ZNF804B: variants seen among roughly 807,000 people sequenced by gnomAD.
ZNF804B encodes zinc finger protein 804B.
In ZNF804B, 80 loss-of-function variants were observed where a neutral mutation model predicts 101.4. That is an observed-to-expected ratio of 0.79 (90% CI 0.66 to 0.95). The LOEUF (loss-of-function observed/expected upper bound fraction) is 0.95, where lower values mean the gene tolerates loss of function less well. ZNF804B is among the 40% of genes least tolerant of loss of function. The pLI is 0.00. For missense variants in ZNF804B, 1,673 were observed against 1,561.9 expected, an observed-to-expected ratio of 1.07 and a Z score of -1.20; for synonymous variants, 622 against 558.8, an observed-to-expected ratio of 1.11 and a Z score of -1.59.
intron 1 of ZNF804B, among the ~76,000 whole-genome samples, chr7:89,072,020 G>A (rs1427837827): frequency 6.6e-6 from 1 of 152,126 alleles, no homozygotes; most frequent in Non-Finnish European, 1.5e-5. Flanking sequence ...GCTAACCTAA[G>A]CTAGTCTGAT....
chr7:89,115,815 G>T (rs910338669), intron 1 of ZNF804B, among the ~76,000 whole-genome samples: 1 of 152,074 alleles, frequency 6.6e-6, no homozygotes, highest in African/African-American at 2.4e-5. Flanking sequence ...TTTCTGAAGG[G>T]AGAATCAAGA....
rs569854921 is a variant in ZNF804B, at chr7:89,317,597, C to T, written c.250-9747C>T. Among the ~76,000 whole-genome samples, 4 of 152,298 alleles carry T rather than the reference C, an allele frequency of 2.6e-5. No homozygotes were observed. The East Asian group carries it at 5.8e-4, about 22-fold the overall frequency. ...AAAGACAGATGGAGTGATAAAGAAA[C>T]GGATGCATTTTGCAAAGAGCAGCTG... On this transcript the variant is annotated intron_variant, in intron 2 of 3. Transcript: ENST00000333190.
rs977974920 is a variant in ZNF804B, at chr7:88,911,981, A to G, written c.108+151897A>G. ...CCTGTGTATTTCCAAGTAATATCTC[A>G]TCCTATAAATATACAGTAATTTGCT... On this transcript the variant is annotated intron_variant, in intron 1 of 3. Coordinates refer to ENST00000333190, the MANE Select transcript of ZNF804B (RefSeq NM_181646.5). 9.9e-5 allele frequency among the ~76,000 whole-genome samples: 15 copies of G among 151,948 alleles called. No homozygotes were observed. The South Asian group carries it at 1.0e-3, about 11-fold the overall frequency.
intron 1 of ZNF804B, among the ~76,000 whole-genome samples, chr7:88,945,025 C>T (rs1584031153): frequency 6.6e-6 from 1 of 151,818 alleles, no homozygotes; most frequent in Non-Finnish European, 1.5e-5. Context: ...AAAATTTTCT[C>T]CCATTCTGTA....
intron 1 of ZNF804B, among the ~76,000 whole-genome samples, chr7:88,962,321 C>G (rs189778281): frequency 1.3e-5 from 2 of 151,336 alleles, no homozygotes; most frequent in Admixed American, 1.3e-4. Flanking sequence ...GTTTATGTAG[C>G]AAGCATCCAG....
chr7:89,154,827 G>GT (rs1790932663), intron 1 of ZNF804B, among the ~76,000 whole-genome samples: 1 of 151,898 alleles, frequency 6.6e-6, no homozygotes, highest in Middle Eastern at 3.2e-3. Flanking sequence ...AGTAAATATA[G>GT]TCAATAATCA....
Position 89,103,048 on chromosome 7 carries a change from G to GTTTTTT in ZNF804B, c.109-115077_109-115072dup, listed in dbSNP as rs56693128. ...TTCTATTCCATTGACCTATGTGTCT[G>GTTTTTT]TTTTTTTTTTTTTTTTTTTTTTTTT... On this transcript the variant is annotated intron_variant, in intron 1 of 3. Coordinates refer to ENST00000333190, the MANE Select transcript of ZNF804B (RefSeq NM_181646.5). 2.6e-3 allele frequency among the ~76,000 whole-genome samples: 89 copies of GTTTTTT among 33,742 alleles called. 10 individuals are homozygous for GTTTTTT. The highest frequency in any genetic ancestry group is 7.6e-3 in the East Asian group (5 of 660). 22.1% of individuals were successfully genotyped at this position (33,742 alleles called of 152,430 possible).
chr7:88,791,817 C>T (rs1367516654), intron 1 of ZNF804B, among the ~76,000 whole-genome samples: 3 of 152,046 alleles, frequency 2.0e-5, no homozygotes, highest in African/African-American at 7.2e-5. Flanking sequence ...AATCATTCAC[C>T]CAAACCTTAG....
chr7:89,253,480 A>G (rs542033190), intron 2 of ZNF804B, among the ~76,000 whole-genome samples: 126 of 152,298 alleles, frequency 8.3e-4, no homozygotes, highest in Non-Finnish European at 1.5e-3. Flanking sequence ...GTAAACATAT[A>G]TATGAAATGA....
chr7:88,820,175 A>G (rs1460765542), intron 1 of ZNF804B, among the ~76,000 whole-genome samples: 1 of 152,246 alleles, frequency 6.6e-6, no homozygotes, highest in East Asian at 1.9e-4. Flanking sequence ...ATATAGATTC[A>G]TAACTTGTTG....
chr7:89,002,251 A>G (rs542462667), intron 1 of ZNF804B, among the ~76,000 whole-genome samples: 31 of 151,964 alleles, frequency 2.0e-4, no homozygotes, highest in African/African-American at 7.2e-4. Flanking sequence ...ATGGGCACTA[A>G]TGTTTGCATT....
intron 1 of ZNF804B, among the ~76,000 whole-genome samples, chr7:89,029,723 C>T (rs886443881): frequency 6.6e-6 from 1 of 152,084 alleles, no homozygotes; most frequent in Non-Finnish European, 1.5e-5. Context: ...CCAGACTTAA[C>T]ATAATGATAC....
chr7:89,274,212 A>C (rs1789942350), intron 2 of ZNF804B, among the ~76,000 whole-genome samples: 1 of 143,306 alleles, frequency 7.0e-6, no homozygotes, highest in African/African-American at 2.6e-5. Context: ...CACATTGTGC[A>C]GGTTAGTTAC....
At chr7:89,114,778 A>G (rs1358344563) in intron 1 of ZNF804B, among the ~76,000 whole-genome samples, 1 of 152,208 alleles carries the variant, frequency 6.6e-6, no homozygotes, top group Non-Finnish European at 1.5e-5. Flanking sequence ...GCTTAGAATC[A>G]TGGAGGGTTG....
chr7:89,261,607 C>T (rs916955224), intron 2 of ZNF804B, among the ~76,000 whole-genome samples: 1 of 152,128 alleles, frequency 6.6e-6, no homozygotes, highest in Non-Finnish European at 1.5e-5. Flanking sequence ...ACACCAAAAA[C>T]TGCACTTAAA....
chr7:89,304,996 G>A (rs186664515), intron 2 of ZNF804B, among the ~76,000 whole-genome samples: 40 of 152,134 alleles, frequency 2.6e-4, no homozygotes, highest in Admixed American at 2.4e-3. Flanking sequence ...ATTAGAGACA[G>A]AATAGCATGG....
chr7:88,848,150 T>A (rs1440105820), intron 1 of ZNF804B, among the ~76,000 whole-genome samples: 1 of 152,060 alleles, frequency 6.6e-6, no homozygotes, highest in Non-Finnish European at 1.5e-5. Flanking sequence ...TGCTATAACA[T>A]CCTACGGTAC....
intron 2 of ZNF804B, among the ~76,000 whole-genome samples, chr7:89,290,225 T>A (rs1471805942): frequency 6.6e-6 from 1 of 152,096 alleles, no homozygotes; most frequent in East Asian, 1.9e-4. Flanking sequence ...CCAGTTAGTA[T>A]CAAAAACCTT....
intron 1 of ZNF804B, among the ~76,000 whole-genome samples, chr7:89,069,830 T>A (rs758285631): frequency 7.9e-5 from 12 of 152,188 alleles, no homozygotes; most frequent in Non-Finnish European, 1.6e-4. Flanking sequence ...CTTGGAAGAT[T>A]ATTTCTTTTT....
Sources: gnomAD v4.1 joint callset for allele counts (sites outside exome capture counted in the v4.1 genomes callset) on GRCh38, gnomAD v4.1.1 for gene constraint, MANE v1.5 for transcripts, NCBI Gene and HGNC (gene_info 2026-07-23, HGNC 2026-07-21) for gene names.